The following SH3GL3 variants were observed in gnomAD, a reference collection of about 807,000 sequenced individuals.
SH3GL3 encodes the protein SH3 domain containing GRB2 like 3, endophilin A3.
In SH3GL3, 33 loss-of-function variants were observed where a neutral mutation model predicts 47.7. That is an observed-to-expected ratio of 0.69 (90% CI 0.52 to 0.92). SH3GL3 has a LOEUF of 0.92. Among genes scored for constraint, SH3GL3 ranks in the 40% least tolerant of loss-of-function variants. The pLI is 0.00. For missense variants in SH3GL3, 363 were observed against 417.8 expected (o/e 0.87, Z 1.14); for synonymous variants, 155 against 148.8 (o/e 1.04, Z -0.30).
At chr15:83,487,205 T>G (rs1210530883) in intron 1 of SH3GL3, among the ~76,000 whole-genome samples, 1 of 21,598 alleles carries the variant, frequency 4.6e-5, no homozygotes, top group African/African-American at 5.9e-4. Flanking sequence ...GTTTACCTGT[T>G]TTTTTTTTTT....
rs1378178050 is a variant in SH3GL3 at position 83,576,598 on chromosome 15, C to T, written c.481C>T (p.Leu161=). 1 of 1,605,664 alleles carries T rather than the reference C, an allele frequency of 6.2e-7. No individual in the cohort carries two copies. The highest frequency in any genetic ancestry group is 8.5e-7 in the Non-Finnish European group (1 of 1,177,234). ...LKEIGHHLKK[L]EGRRLDYDYK... is the part of the protein sequence containing the mutation. The stretch of plus-strand genomic sequence containing the variant: ...CTTTTTTTAGCATCACCTGAAAAAG[C>T]TGGAAGGCCGCCGCCTGGATTACGA... The change falls in exon 6 of 9, where the codon CTG becomes TTG. Residue 161 remains leucine (L), a synonymous_variant. Coordinates refer to ENST00000427482, the MANE Select transcript of SH3GL3 (RefSeq NM_003027.5).
At position 83,461,082 on chromosome 15, in the gene SH3GL3, C is replaced by CT. The variant is rs1567237435; in HGVS notation, c.45+13504_45+13505insT. On this transcript the variant is annotated intron_variant, in intron 1 of 8. Transcript: ENST00000427482. ...TGGGCGACAGAGCGAGACTCCATCT[C>CT]AAAAAAAAAAAAAAGTACTGTACAC... Among the ~76,000 whole-genome samples the CT allele has an allele frequency of 1.5e-4, 18 of 123,584 alleles. No individual in the cohort carries two copies. The East Asian group carries it at 3.7e-3, about 25-fold the overall frequency. 81.1% of individuals were successfully genotyped at this position (123,584 alleles called of 152,430 possible). A position where few individuals can be genotyped will look rare whatever the true frequency, so the allele number is the denominator to read the frequency against.
At chr15:83,593,881 C>T (rs1420728426) in intron 8 of SH3GL3, among the ~76,000 whole-genome samples, 1 of 151,978 alleles carries the variant, frequency 6.6e-6, no homozygotes, top group Non-Finnish European at 1.5e-5. Context: ...TGCAGTGGCG[C>T]AGTCGCAGCT....
chr15:83,491,879 T>C (rs1047958304), intron 1 of SH3GL3, among the ~76,000 whole-genome samples: 1 of 152,198 alleles, frequency 6.6e-6, no homozygotes, highest in African/African-American at 2.4e-5. Flanking sequence ...GGCAAACCTT[T>C]AGTTGTTAGA....
chr15:83,623,158 T>C (rs2060919544), downstream of SH3GL3, among the ~76,000 whole-genome samples: 1 of 152,236 alleles, frequency 6.6e-6, no homozygotes, highest in African/African-American at 2.4e-5. Flanking sequence ...AAAATGAATA[T>C]GGAGGTAGAT....
chr15:83,478,567 T>C (rs2151549415), intron 1 of SH3GL3, among the ~76,000 whole-genome samples: 1 of 152,392 alleles, frequency 6.6e-6, no homozygotes, highest in Admixed American at 6.5e-5. Context: ...TCTCAAGTGC[T>C]TTATATATGA....
At chr15:83,624,560 G>C in the SH3GL3 span, among the ~76,000 whole-genome samples, 34 of 152,238 alleles carry the variant, frequency 2.2e-4, 1 homozygote, top group Middle Eastern at 3.2e-3. Flanking sequence ...TCAGAGCATA[G>C]AGTCAGGGGA....
At chr15:83,501,575 A>G (rs2042295653) in intron 1 of SH3GL3, among the ~76,000 whole-genome samples, 1 of 152,216 alleles carries the variant, frequency 6.6e-6, no homozygotes, top group African/African-American at 2.4e-5. Context: ...TACACATGAG[A>G]AAACCCTTCT....
At chr15:83,460,097 GCTTC>G (rs1240933504) in intron 1 of SH3GL3, among the ~76,000 whole-genome samples, 3 of 110,290 alleles carry the variant, frequency 2.7e-5, no homozygotes, top group East Asian at 2.9e-4. Context: ...TTCCTTCCTT[GCTTC>G]CTTCCTTCCT....
intron 1 of SH3GL3, among the ~76,000 whole-genome samples, chr15:83,467,394 A>G (rs1418464749): frequency 1.3e-5 from 2 of 152,204 alleles, no homozygotes; most frequent in Non-Finnish European, 2.9e-5. Flanking sequence ...ATTGACCTGT[A>G]TATCTGTCCC....
At chr15:83,599,117 C>T (rs1003851240) in intron 8 of SH3GL3, among the ~76,000 whole-genome samples, 2 of 151,876 alleles carry the variant, frequency 1.3e-5, no homozygotes, top group Non-Finnish European at 2.9e-5. Flanking sequence ...TATTTTTTTG[C>T]GCTTTATATT....
At chr15:83,552,973 A>G (rs1211957388) in intron 1 of SH3GL3, among the ~76,000 whole-genome samples, 6 of 152,160 alleles carry the variant, frequency 3.9e-5, no homozygotes, top group Admixed American at 3.9e-4. Flanking sequence ...TGCCTTAGGA[A>G]GGTATTTCTT....
chr15:83,478,898 G>C (rs2041216188), intron 1 of SH3GL3, among the ~76,000 whole-genome samples: 1 of 152,218 alleles, frequency 6.6e-6, no homozygotes, highest in East Asian at 1.9e-4. Context: ...CTCCTGCCTG[G>C]AACAGAAAAT....
At chr15:83,528,671 T>A (rs2043529291) in intron 1 of SH3GL3, among the ~76,000 whole-genome samples, 1 of 152,188 alleles carries the variant, frequency 6.6e-6, no homozygotes, top group Admixed American at 6.5e-5. Flanking sequence ...TTCATATCTG[T>A]CTCTTTAGTG....
At chr15:83,606,974 A>T (rs919640417) in intron 8 of SH3GL3, among the ~76,000 whole-genome samples, 7 of 152,234 alleles carry the variant, frequency 4.6e-5, no homozygotes, top group African/African-American at 1.7e-4. Flanking sequence ...ATCAGTAGCC[A>T]TTGGTGCGGT....
At chr15:83,602,777 C>A (rs778794353) in intron 8 of SH3GL3, among the ~76,000 whole-genome samples, 51 of 152,246 alleles carry the variant, frequency 3.3e-4, no homozygotes, top group Non-Finnish European at 5.9e-4. Context: ...GACCCTGGTT[C>A]TGCTCTCTGG....
At chr15:83,616,135 T>C (rs2060806316) in intron 8 of SH3GL3, among the ~76,000 whole-genome samples, 1 of 152,000 alleles carries the variant, frequency 6.6e-6, no homozygotes, top group Non-Finnish European at 1.5e-5. Context: ...AGATAAAGGG[T>C]AAATATGTGT....
At chr15:83,601,454 C>T (rs549849365) in intron 8 of SH3GL3, among the ~76,000 whole-genome samples, 69 of 152,148 alleles carry the variant, frequency 4.5e-4, no homozygotes, top group African/African-American at 1.6e-3. Context: ...TTGAGATGAT[C>T]GTGTAATTTT....
At chr15:83,630,916 A>T in the SH3GL3 span, among the ~76,000 whole-genome samples, 2 of 152,104 alleles carry the variant, frequency 1.3e-5, no homozygotes, top group African/African-American at 4.8e-5. Flanking sequence ...ATTAACTCAA[A>T]AGTCCAAGTC....
Sources: gnomAD v4.1 joint callset for allele counts (sites outside exome capture counted in the v4.1 genomes callset) on GRCh38, gnomAD v4.1.1 for gene constraint, MANE v1.5 for transcripts, NCBI Gene and HGNC (gene_info 2026-07-23, HGNC 2026-07-21) for gene names.